The following NUP85 variants were observed in gnomAD, a reference collection of about 807,000 sequenced individuals.
NUP85 encodes the protein nuclear pore complex protein Nup85.
NUP85 carries 23 observed loss-of-function variants against 92.8 expected under a neutral mutation model. That is an observed-to-expected ratio of 0.25 (90% confidence interval 0.18 to 0.35). The LOEUF is 0.35. Among genes scored for constraint, NUP85 ranks in the 10% least tolerant of loss-of-function variants. The probability of loss-of-function intolerance (pLI) is 1.00; values close to 1 mark genes in which losing one functional copy is unlikely to be tolerated. For synonymous variants in NUP85, 314 were observed against 306.9 expected (o/e 1.02, Z -0.24); for missense variants, 759 against 822.8 (o/e 0.92, Z 0.95).
Position 75,232,846 on chromosome 17 carries a change from C to G in NUP85, c.1397-5C>G. The G allele has an allele frequency of 1.2e-6, 2 of 1,613,412 alleles. 1 individual carries two copies. Among genetic ancestry groups the G allele is most frequent in the Non-Finnish European group, 1.7e-6 (2 of 1,179,332 alleles). On this transcript the variant is annotated splice_polypyrimidine_tract_variant and splice_region_variant and intron_variant, in intron 14 of 18. Transcript: ENST00000245544. ...GCCGTTTACCTTTTCTTTTCCCCTG[C>G]AAAGTTCGCAGCATTTGTAAGATCT...
At position 75,218,202 on chromosome 17, in the gene NUP85, C is replaced by T; in HGVS notation, c.493C>T (p.His165Tyr). The change falls in exon 7 of 19, where the codon CAT becomes TAT. Residue 165 changes from histidine to tyrosine, a missense_variant. Coordinates refer to ENST00000245544, the MANE Select transcript of NUP85 (RefSeq NM_024844.5). ...CCTCCCAGCTGGCCCTCTCCTCCTC[C>T]ATCTCCTTGACTGGGTCCGGCTCCA... ...EVAPAGPLLL[H>Y]LLDWVRLHVC... is the part of the protein sequence containing the mutation. 6.2e-7 allele frequency: 1 copy of T among 1,613,992 alleles called. No individual in the cohort carries two copies. The highest frequency in any genetic ancestry group is 8.5e-7 in the Non-Finnish European group (1 of 1,179,940).
chr17:75,218,366 G>C, intron 7 of NUP85, 60 bp downstream of exon 7: 1 of 1,603,876 alleles, frequency 6.2e-7, no homozygotes, highest in Non-Finnish European at 8.5e-7. Flanking sequence ...GTGCTGCCGG[G>C]TGGGTCTGAG....
Position 75,205,896 on chromosome 17 carries a change from C to G in NUP85, c.33+102C>G. The G allele has an allele frequency of 3.0e-6, 4 of 1,348,454 alleles. No individual in the cohort carries two copies. The South Asian group carries it at 3.6e-5, about 12-fold the overall frequency. The allele number at this position is 1,348,454 out of a possible 1,614,324, so 83.5% of individuals were successfully genotyped here. ...GCTTCCCTAGTGGTCGCGAGGCGCT[C>G]GTCCCCTTCCCTCGACTCAGTTGCC... On this transcript the variant is annotated intron_variant, in intron 1 of 18. Coordinates refer to ENST00000245544, the MANE Select transcript of NUP85 (RefSeq NM_024844.5).
chr17:75,205,685 C>T lies in NUP85; in HGVS notation c.-77C>T. ...GACGCCCAGGCGGAGTCTTGTCTCG[C>T]AGCCAGCTCTGAGCGGGAGGCCTGA... On this transcript the variant is annotated 5_prime_UTR_variant, in exon 1 of 19. Transcript: ENST00000245544. 6.3e-7 allele frequency: 1 copy of T among 1,577,022 alleles called. No homozygotes were observed. Among genetic ancestry groups the T allele is most frequent in the Middle Eastern group, 1.7e-4 (1 of 5,982 alleles).
intron 16 of NUP85, among the ~76,000 whole-genome samples, chr17:75,233,385 T>TTC (rs780225530): frequency 3.0e-5 from 4 of 132,782 alleles, no homozygotes; most frequent in African/African-American, 1.2e-4. Flanking sequence ...CTTTCTCTCT[T>TTC]TCTTTCTCTT....
At chr17:75,218,598 T>TTTTTG (rs1273024851) in intron 7 of NUP85, among the ~76,000 whole-genome samples, 1 of 141,148 alleles carries the variant, frequency 7.1e-6, no homozygotes, top group African/African-American at 2.6e-5. Context: ...GTTTTTTTTT[T>TTTTTG]TTTTTTTTTG....
intron 1 of NUP85, among the ~76,000 whole-genome samples, chr17:75,206,301 A>C (rs1568062000): frequency 6.6e-6 from 1 of 152,158 alleles, no homozygotes; most frequent in Non-Finnish European, 1.5e-5. Flanking sequence ...TGTGTATAAA[A>C]AAAATTCACG....
At chr17:75,206,766 C>T (rs1050452254) in intron 1 of NUP85, among the ~76,000 whole-genome samples, 2 of 152,046 alleles carry the variant, frequency 1.3e-5, no homozygotes, top group African/African-American at 2.4e-5. Flanking sequence ...GGCGCGGTCT[C>T]GGCTCACTGT....
intron 7 of NUP85, among the ~76,000 whole-genome samples, chr17:75,220,737 A>G (rs1484273260): frequency 6.6e-6 from 1 of 151,542 alleles, no homozygotes; most frequent in Non-Finnish European, 1.5e-5. Context: ...GGTATACGCC[A>G]TGATGCCCAG....
intron 4 of NUP85, among the ~76,000 whole-genome samples, 185 bp downstream of exon 4, chr17:75,212,247 GTTTTTTTTTTTTTT>G (rs1219393857): frequency 0.16 from 594 of 3,648 alleles, 45 homozygotes; most frequent in African/African-American, 0.19. Context: ...TTTTGTTGTT[GTTTTTTTTTTTTTT>G]TTTTTTTTTT....
chr17:75,231,761 G>A lies in NUP85; in HGVS notation c.1245-67G>A. ...GCTTCGGAAGGGTCAGTGAAAGGGA[G>A]CTGTAGGTGCCAGTCCTCGGAGCCA... On this transcript the variant is annotated intron_variant, in intron 13 of 18. Coordinates refer to ENST00000245544, the MANE Select transcript of NUP85 (RefSeq NM_024844.5). The surrounding 1 kb of genome is among the most constrained non-coding windows in gnomAD (Gnocchi z 4.6). The A allele has an allele frequency of 6.2e-7, 1 of 1,607,710 alleles. No individual in the cohort carries two copies. The highest frequency in any genetic ancestry group is 2.2e-5 in the East Asian group (1 of 44,776).
intron 6 of NUP85, among the ~76,000 whole-genome samples, chr17:75,216,113 C>T (rs915163335): frequency 1.3e-5 from 2 of 151,964 alleles, no homozygotes; most frequent in African/African-American, 4.8e-5. Context: ...ATGGACTGGC[C>T]AAGCTTAAGA....
rs201018542 is a variant in NUP85 at position 75,232,957 on chromosome 17, C to T, written c.1503C>T (p.Leu501=). The part of the protein sequence containing the change: ...IRAKDAAFAT[L]VSDRFLRDYC... ...CTAAGGATGCCGCCTTTGCCACGCT[C>T]GTGTCAGACAGGTGGGTGCCGCTAG... Residue 501 remains leucine, a synonymous_variant, in exon 15 of 19, where the codon CTC becomes CTT. Transcript: ENST00000245544. 2.7e-4 allele frequency: 440 copies of T among 1,613,982 alleles called. No individual in the cohort carries two copies. The highest frequency in any genetic ancestry group is 3.6e-4 in the Non-Finnish European group (422 of 1,179,972).
chr17:75,219,618 A>G (rs918610413), intron 7 of NUP85, among the ~76,000 whole-genome samples: 2 of 152,212 alleles, frequency 1.3e-5, no homozygotes, highest in African/African-American at 2.4e-5. Context: ...CAAGGCACCA[A>G]GGAGACACCA....
chr17:75,227,021 C>T (rs2075822559), intron 11 of NUP85: 1 of 232,868 alleles, frequency 4.3e-6, no homozygotes, highest in Admixed American at 5.2e-5. Flanking sequence ...CAAAGGTAAA[C>T]CTTTCCAGAA....
chr17:75,218,855 C>G (rs2145313451), intron 7 of NUP85, among the ~76,000 whole-genome samples: 1 of 152,270 alleles, frequency 6.6e-6, no homozygotes, highest in Non-Finnish European at 1.5e-5. Context: ...CTGTGCGGTC[C>G]TACCACCTCA....
At chr17:75,210,411 T>C (rs1198871262) in intron 3 of NUP85, among the ~76,000 whole-genome samples, 1 of 152,232 alleles carries the variant, frequency 6.6e-6, no homozygotes, top group African/African-American at 2.4e-5. Flanking sequence ...TTTTCTTGAA[T>C]TGTAGTTCAT....
rs60396796 is a variant in NUP85, at chr17:75,233,437, C to CTTTTTTTTTTTTTTTTTT, written c.1615+294_1615+295insTTTTTTTTTTTTTTTTTT. Among the ~76,000 whole-genome samples, 8 of 117,184 alleles carry CTTTTTTTTTTTTTTTTTT rather than the reference C, an allele frequency of 6.8e-5. 1 individual carries two copies. Among genetic ancestry groups the CTTTTTTTTTTTTTTTTTT allele is most frequent in the East Asian group, 2.5e-4 (1 of 4,078 alleles). 76.9% of individuals were successfully genotyped at this position (117,184 alleles called of 152,430 possible). A position where few individuals can be genotyped will look rare whatever the true frequency, so the allele number is the denominator to read the frequency against. The stretch of plus-strand genomic sequence containing the variant: ...TCTTTCTTCTTTTCTTTTATTTTTT[C>CTTTTTTTTTTTTTTTTTT]TTTTTTTTTTTTTTTGAGACAGAAT... On this transcript the variant is annotated intron_variant, in intron 16 of 18. Coordinates refer to ENST00000245544, the MANE Select transcript of NUP85 (RefSeq NM_024844.5).
At chr17:75,234,853 C>A in intron 17 of NUP85, 65 bp downstream of exon 17, 2 of 1,585,266 alleles carry the variant, frequency 1.3e-6, no homozygotes, top group South Asian at 1.1e-5. Flanking sequence ...AGTTGTATAG[C>A]TGTTGCCGAT....
Sources: allele counts gnomAD v4.1 joint callset (sites outside exome capture counted in the v4.1 genomes callset), GRCh38; gene constraint gnomAD v4.1.1; non-coding constraint Gnocchi (gnomAD v3.1); transcripts MANE v1.5; gene names NCBI Gene and HGNC (gene_info 2026-07-23, HGNC 2026-07-21).